The following ABCC4 variants were observed in gnomAD, a reference collection of about 807,000 sequenced individuals.
ABCC4 encodes the protein ATP-binding cassette sub-family C member 4.
ABCC4 carries 102 observed loss-of-function variants against 168.5 expected under a neutral mutation model. The ratio of observed to expected loss-of-function variants is 0.61; its 90% CI spans 0.52 to 0.71. The LOEUF is 0.71. ABCC4 is among the 30% of genes least tolerant of loss of function. The probability of loss-of-function intolerance (pLI) is 0.00; values close to 1 mark genes in which losing one functional copy is unlikely to be tolerated. For missense variants in ABCC4, 1,402 were observed against 1,605.8 expected (o/e 0.87, Z 2.17); for synonymous variants, 617 against 590.7 (o/e 1.04, Z -0.65).
At chr13:95,120,091 T>C (rs1457031291) in intron 19 of ABCC4, among the ~76,000 whole-genome samples, 1 of 148,780 alleles carries the variant, frequency 6.7e-6, no homozygotes, top group African/African-American at 2.5e-5. Context: ...TGATGTAGCA[T>C]GTGCCACTCA....
At chr13:95,109,664 T>G (rs2035134953) in intron 20 of ABCC4, among the ~76,000 whole-genome samples, 1 of 152,190 alleles carries the variant, frequency 6.6e-6, no homozygotes. Context: ...AAGCCATAAT[T>G]GAACTTAAAG....
chr13:95,266,744 T>A (rs558015407), intron 1 of ABCC4, among the ~76,000 whole-genome samples: 25 of 151,848 alleles, frequency 1.6e-4, no homozygotes, highest in Non-Finnish European at 3.5e-4. Flanking sequence ...GGTGCCTGGG[T>A]AGCATTGGCC....
intron 27 of ABCC4, among the ~76,000 whole-genome samples, chr13:95,052,349 T>C (rs2032879499): frequency 1.3e-5 from 2 of 152,208 alleles, no homozygotes; most frequent in Admixed American, 1.3e-4. Flanking sequence ...TTTTATGATA[T>C]GGTTTCTGCC....
chr13:95,159,329 A>G lies in ABCC4; in HGVS notation c.2455+1860T>C, dbSNP rs963823661. ...AGTAAATAATTCATGACCTCTAAAC[A>G]TTTTGGACAAAGTAGACCTCTCTTG... On this transcript the variant is annotated intron_variant, in intron 19 of 30. Coordinates refer to ENST00000645237, the MANE Select transcript of ABCC4 (RefSeq NM_005845.5). Among the ~76,000 whole-genome samples the G allele has an allele frequency of 2.6e-5, 4 of 151,818 alleles. No homozygotes were observed. The East Asian group carries it at 7.8e-4, about 29-fold the overall frequency.
At chr13:95,181,792 T>C (rs2037903867) in intron 11 of ABCC4, among the ~76,000 whole-genome samples, 1 of 152,200 alleles carries the variant, frequency 6.6e-6, no homozygotes, top group Non-Finnish European at 1.5e-5. Context: ...TCATCTCAGT[T>C]CACAGCCTGT....
chr13:95,103,910 T>G (rs1248521827), intron 20 of ABCC4, among the ~76,000 whole-genome samples: 1 of 152,130 alleles, frequency 6.6e-6, no homozygotes, highest in Non-Finnish European at 1.5e-5. Flanking sequence ...CCTGTAGATA[T>G]CCTAAACTCC....
rs777538351 is a variant in ABCC4 at position 95,301,307 on chromosome 13, G to C, written c.8C>G (p.Pro3Arg). 1 of 1,592,946 alleles carries C rather than the reference G, an allele frequency of 6.3e-7. No homozygotes were observed. The highest frequency in any genetic ancestry group is 8.5e-7 in the Non-Finnish European group (1 of 1,170,736). ...GTTGGGCTTCACCTCCTGGTACACG[G>C]GCAGCATCTTGCCGGGCGGGGCGGG... The part of the protein sequence containing the change: ML[P>R]VYQEVKPNPL... The change falls in exon 1 of 31, where the codon CCC becomes CGC. Residue 3 changes from proline (P) to arginine (R), a missense_variant. Physicochemically the swap from Pro to Arg is moderately radical, Grantham distance 103 (BLOSUM62 -2). Around this residue, in one of 3 missense-constraint regions of ABCC4, gnomAD observed 317 missense variants for 345.5 expected, o/e 0.92. Coordinates refer to ENST00000645237, the MANE Select transcript of ABCC4 (RefSeq NM_005845.5).
chr13:95,200,217 G>A (rs1029601288), intron 8 of ABCC4, among the ~76,000 whole-genome samples: 2 of 152,184 alleles, frequency 1.3e-5, no homozygotes, highest in South Asian at 2.1e-4. Flanking sequence ...ATGACTAAGT[G>A]AATGAATAAA....
chr13:95,147,338 A>C (rs543877805), intron 19 of ABCC4, among the ~76,000 whole-genome samples: 1 of 152,358 alleles, frequency 6.6e-6, no homozygotes, highest in Admixed American at 6.5e-5. Flanking sequence ...AATTCCTTTA[A>C]ATGTCTTAAA....
At chr13:95,288,918 T>C (rs1203907142) in intron 1 of ABCC4, among the ~76,000 whole-genome samples, 1 of 152,364 alleles carries the variant, frequency 6.6e-6, no homozygotes, top group East Asian at 1.9e-4. Context: ...TTGTGTCGCT[T>C]AATCAACTTA....
rs1415738240 is a variant in ABCC4 at position 95,209,549 on chromosome 13, C to T, written c.670G>A (p.Ala224Thr). 3 of 1,614,080 alleles carry T rather than the reference C, an allele frequency of 1.9e-6. No individual in the cohort carries two copies. The highest frequency in any genetic ancestry group is 1.1e-5 in the South Asian group (1 of 91,076). Residue 224 changes from alanine (A) to threonine (T), a missense_variant, in exon 6 of 31, where the codon GCA (alanine) becomes ACA (threonine). By Grantham distance (58) the Ala-to-Thr change is moderately conservative. Transcript: ENST00000645237. ...TCCATCCAGAGTAGGGCAGTCACTG[C>T]AATCGCCTGCAGTGGTCCTGCCCAC... ...FLWAGPLQAI[A>T]VTALLWMEIG...
chr13:95,060,707 T>G (rs1370754193), intron 26 of ABCC4, among the ~76,000 whole-genome samples: 1 of 152,248 alleles, frequency 6.6e-6, no homozygotes. Flanking sequence ...GATACTTTTT[T>G]TTCTTTAAAC....
In ABCC4 at chr13:95,083,234, GA is replaced by G. The variant is rs781362103; in HGVS notation, c.2591del (p.Ile864ThrfsTer26). 1 of 1,613,892 alleles carries G rather than the reference GA, an allele frequency of 6.2e-7. No homozygotes were observed. Among genetic ancestry groups the G allele is most frequent in the South Asian group, 1.1e-5 (1 of 91,060 alleles). ...TTCCAAGGGGAACCAAGGGTATTGC[GA>G]TCCAAGGAATCACGGCCACAGCCAC... The part of the protein sequence containing the change: ...VSVAVAVIPW[I>X]AIPLVPLGII... On this transcript the variant is annotated frameshift_variant, in exon 21 of 31. Coordinates refer to ENST00000645237, the MANE Select transcript of ABCC4 (RefSeq NM_005845.5). LOFTEE classifies it high-confidence loss of function.
intron 20 of ABCC4, among the ~76,000 whole-genome samples, chr13:95,089,957 C>G (rs1013947126): frequency 1.9e-4 from 29 of 151,790 alleles, no homozygotes; most frequent in African/African-American, 6.8e-4. Context: ...AGCTCTGACT[C>G]GGACTAACAG....
chr13:95,256,303 A>G (rs747465020), intron 1 of ABCC4, among the ~76,000 whole-genome samples: 10 of 152,204 alleles, frequency 6.6e-5, no homozygotes, highest in Non-Finnish European at 1.3e-4. Flanking sequence ...AGATGAAAGC[A>G]TTGTTCATTG....
intron 1 of ABCC4, among the ~76,000 whole-genome samples, chr13:95,264,100 G>A (rs1566581304): frequency 1.3e-5 from 2 of 152,156 alleles, no homozygotes; most frequent in Admixed American, 6.6e-5. Flanking sequence ...AATCATAAGT[G>A]TAATGGATTC....
intron 25 of ABCC4, among the ~76,000 whole-genome samples, chr13:95,065,641 T>C (rs142962364): frequency 1.2e-3 from 185 of 152,308 alleles, no homozygotes; most frequent in African/African-American, 4.3e-3. Flanking sequence ...AAGCTACATC[T>C]TTGCAAGCAA....
chr13:95,206,835 G>T, intron 7 of ABCC4, 54 bp from the exon 8 acceptor site: 2 of 1,583,530 alleles, frequency 1.3e-6, no homozygotes, highest in Non-Finnish European at 1.7e-6. Context: ...AGATAAAGTG[G>T]CTCACGCCTG....
chr13:95,221,239 A>T (rs770959963), intron 4 of ABCC4, among the ~76,000 whole-genome samples: 24 of 151,900 alleles, frequency 1.6e-4, no homozygotes, highest in Non-Finnish European at 2.9e-4. Flanking sequence ...TGTGACAGAT[A>T]TTTTTTTGAG....
Sources: allele counts gnomAD v4.1 joint callset (sites outside exome capture counted in the v4.1 genomes callset), GRCh38; gene constraint gnomAD v4.1.1; regional missense constraint gnomAD v4.1.1; transcripts MANE v1.5; gene names NCBI Gene and HGNC (gene_info 2026-07-23, HGNC 2026-07-21).